The following GLT8D2 variants were observed in gnomAD, a reference collection of about 807,000 sequenced individuals.
The protein encoded by GLT8D2 is glycosyltransferase 8 domain-containing protein 2.
In GLT8D2, 45 loss-of-function variants were observed where a neutral mutation model predicts 44.5. That is an observed-to-expected ratio of 1.01 (90% CI 0.80 to 1.30). The LOEUF (loss-of-function observed/expected upper bound fraction) is 1.30, where lower values mean the gene tolerates loss of function less well. Ranked by LOEUF, GLT8D2 falls within the 50% of genes most tolerant of loss-of-function variation. The probability of loss-of-function intolerance (pLI) is 0.00; values close to 1 mark genes in which losing one functional copy is unlikely to be tolerated. For synonymous variants in GLT8D2, 156 were observed against 157.2 expected, an observed-to-expected ratio of 0.99 and a Z score of 0.06; for missense variants, 400 against 430.4, an observed-to-expected ratio of 0.93 and a Z score of 0.62.
At chr12:104,003,594 C>T (rs1277110040) in intron 4 of GLT8D2, among the ~76,000 whole-genome samples, 3 of 152,204 alleles carry the variant, frequency 2.0e-5, no homozygotes, top group Non-Finnish European at 4.4e-5. Flanking sequence ...TGGGTCTACC[C>T]TTCAAAGGAA....
At chr12:104,048,305 G>T (rs1317658295) in intron 1 of GLT8D2, among the ~76,000 whole-genome samples, 1 of 152,084 alleles carries the variant, frequency 6.6e-6, no homozygotes, top group African/African-American at 2.4e-5. Flanking sequence ...CAACTGTTTG[G>T]GAATCATTGC....
In GLT8D2 at chr12:103,996,811, AG is replaced by A. The variant is rs1240934863; in HGVS notation, c.523del (p.Leu175TrpfsTer19). The A allele has an allele frequency of 6.2e-7, 1 of 1,614,002 alleles. No individual in the cohort carries two copies. The highest frequency in any genetic ancestry group is 8.5e-7 in the Non-Finnish European group (1 of 1,179,970). On this transcript the variant is annotated frameshift_variant, in exon 8 of 11. Transcript: ENST00000360814. LOFTEE classifies it high-confidence loss of function. ...IQELYDTTLALGHAAAFSDDC... is the reference protein window; with the variant it reads ...IQELYDTTLAXGHAAAFSDDC... ...ATCTGAGAAAGCCGCCGCGTGGCCCAGGGCCAAGGTGGTGTCATACAGTTCT... is the reference window on the plus strand; with the variant it reads ...ATCTGAGAAAGCCGCCGCGTGGCCCAGGCCAAGGTGGTGTCATACAGTTCT...
At chr12:104,014,862 G>C in intron 4 of GLT8D2, 151 bp downstream of exon 4, 1 of 602,304 alleles carries the variant, frequency 1.7e-6, no homozygotes, top group East Asian at 2.8e-5. Flanking sequence ...CGACTGAAAA[G>C]GTGGTCTAGG....
rs140427626 is a variant in GLT8D2 at position 104,004,448 on chromosome 12, T to C, written c.113-1142A>G. Among the ~76,000 whole-genome samples the C allele has an allele frequency of 2.2e-3, 333 of 152,318 alleles. 9 individuals carry two copies. In the East Asian group the frequency reaches 0.051, roughly 24 times the overall value. On this transcript the variant is annotated intron_variant, in intron 4 of 10. Transcript: ENST00000360814. Reference sequence around the variant, plus strand: ...AAAGAGGAAGTCAAACTGTCCCTGTTTGCAGATGACATGATTGTATATTTA... The same window carrying C: ...AAAGAGGAAGTCAAACTGTCCCTGTCTGCAGATGACATGATTGTATATTTA...
chr12:104,019,118 C>CTTTTTTTTTT (rs11291563), intron 3 of GLT8D2, among the ~76,000 whole-genome samples: 21 of 116,460 alleles, frequency 1.8e-4, no homozygotes, highest in Non-Finnish European at 2.2e-4. Flanking sequence ...ACTTCTTCTT[C>CTTTTTTTTTT]TTTTTTTTTT....
At chr12:104,000,637 T>C (rs2629804) in intron 5 of GLT8D2, among the ~76,000 whole-genome samples, 32,626 of 152,186 alleles carry the variant, frequency 0.21, 3,826 homozygotes, top group African/African-American at 0.27. Flanking sequence ...ATGAGGTTCA[T>C]GCCTTTTGTT....
intron 1 of GLT8D2, among the ~76,000 whole-genome samples, chr12:104,030,417 T>C (rs1055691239): frequency 2.0e-5 from 3 of 152,092 alleles, no homozygotes; most frequent in East Asian, 1.9e-4. Context: ...ATTAAATGTG[T>C]AAGATGTGAA....
intron 1 of GLT8D2, among the ~76,000 whole-genome samples, chr12:104,036,702 C>A (rs908981001): frequency 2.0e-5 from 3 of 152,108 alleles, no homozygotes; most frequent in African/African-American, 7.2e-5. Flanking sequence ...GACTCCCACA[C>A]AATAATAATG....
rs539604191 is a variant in GLT8D2, at chr12:104,030,112, A to G, written c.-163-8621T>C. Among the ~76,000 whole-genome samples the G allele has an allele frequency of 3.3e-5, 5 of 152,320 alleles. No individual in the cohort carries two copies. In the South Asian group the frequency reaches 1.0e-3, roughly 32 times the overall value. On this transcript the variant is annotated intron_variant, in intron 1 of 10. Transcript: ENST00000360814. ...TATATTTACAAAGTTATAGTAATCCAAAAAGTATGGTACTGACATAAAAAC... is the reference window on the plus strand; with the variant it reads ...TATATTTACAAAGTTATAGTAATCCGAAAAGTATGGTACTGACATAAAAAC...
Position 104,016,511 on chromosome 12 carries a change from G to A in GLT8D2, c.20-1406C>T, listed in dbSNP as rs533499385. On this transcript the variant is annotated intron_variant, in intron 3 of 10. Coordinates refer to ENST00000360814, the MANE Select transcript of GLT8D2 (RefSeq NM_001384711.1). ...AATTAGCCAGGTGTTGCGCATGCCT[G>A]TAGTCCCAGCTATTCAGGAGGTTGA... 5.3e-5 allele frequency among the ~76,000 whole-genome samples: 8 copies of A among 151,630 alleles called. No individual in the cohort carries two copies. In the South Asian group the frequency reaches 1.7e-3, roughly 32 times the overall value.
intron 4 of GLT8D2, among the ~76,000 whole-genome samples, chr12:104,012,406 A>G (rs1336809499): frequency 9.2e-5 from 14 of 152,130 alleles, no homozygotes; most frequent in Admixed American, 9.2e-4. Flanking sequence ...GGATCCATTC[A>G]TGCGGTCCAA....
intron 8 of GLT8D2, 39 bp downstream of exon 8, chr12:103,996,696 T>C (rs1873466161): frequency 7.0e-7 from 1 of 1,423,688 alleles, no homozygotes; most frequent in Non-Finnish European, 9.9e-7. Flanking sequence ...GCCAGAGTTG[T>C]AGAGTGAAGG....
At chr12:104,004,807 C>T (rs551651449) in intron 4 of GLT8D2, among the ~76,000 whole-genome samples, 7 of 152,178 alleles carry the variant, frequency 4.6e-5, no homozygotes, top group Admixed American at 1.3e-4. Context: ...CCACACTGCC[C>T]AAGGTAATTT....
intron 1 of GLT8D2, among the ~76,000 whole-genome samples, chr12:104,040,744 C>T (rs1880454032): frequency 6.6e-6 from 1 of 152,068 alleles, no homozygotes; most frequent in South Asian, 2.1e-4. Flanking sequence ...AAAAATTAAG[C>T]ATCCCATTTT....
At chr12:104,023,111 C>T (rs1473083704) in intron 1 of GLT8D2, among the ~76,000 whole-genome samples, 1 of 152,110 alleles carries the variant, frequency 6.6e-6, no homozygotes, top group East Asian at 1.9e-4. Flanking sequence ...CTGTGAGTTT[C>T]TTTCTTGATG....
chr12:104,023,082 G>A (rs1255803564), intron 1 of GLT8D2, among the ~76,000 whole-genome samples: 5 of 152,150 alleles, frequency 3.3e-5, no homozygotes, highest in Non-Finnish European at 7.3e-5. Flanking sequence ...CAGTCTTCTG[G>A]ATTTACACGT....
chr12:104,032,445 T>C (rs1439997748), intron 1 of GLT8D2, among the ~76,000 whole-genome samples: 1 of 55,526 alleles, frequency 1.8e-5, no homozygotes, highest in Non-Finnish European at 3.6e-5. Context: ...ATCAGTATAA[T>C]AAAGGAGTGA....
At chr12:104,014,201 A>G (rs1283159518) in intron 4 of GLT8D2, 2 of 661,380 alleles carry the variant, frequency 3.0e-6, no homozygotes, top group African/African-American at 3.6e-5. Context: ...CATTTCTACA[A>G]AAAATTAGCT....
chr12:104,003,158 G>C lies in GLT8D2; in HGVS notation c.261C>G (p.Leu87=). ...DANILFYVVG[L]RNTLTRIRKW... Reference sequence around the variant, plus strand: ...ACCGTATTCGAGTCAGAGTATTCCGGAGTCCCACTACATAGAACAAGATGT... The same window carrying C: ...ACCGTATTCGAGTCAGAGTATTCCGCAGTCCCACTACATAGAACAAGATGT... The change falls in exon 5 of 11, where the codon CTC becomes CTG. Residue 87 remains leucine, a synonymous_variant. Transcript: ENST00000360814. 6.2e-7 allele frequency: 1 copy of C among 1,614,054 alleles called. No homozygotes were observed.
Sources: gnomAD v4.1 joint callset for allele counts (sites outside exome capture counted in the v4.1 genomes callset) on GRCh38, gnomAD v4.1.1 for gene constraint, MANE v1.5 for transcripts, NCBI Gene and HGNC (gene_info 2026-07-23, HGNC 2026-07-21) for gene names.